Variants in TXNRD2 observed in about 807,000 individuals in gnomAD.
TXNRD2 encodes the protein thioredoxin reductase 2, mitochondrial.
Under a neutral mutation model 70.8 loss-of-function variants are expected in TXNRD2, and 67 were observed. That is an observed-to-expected ratio of 0.95 (90% CI 0.78 to 1.16). TXNRD2 has a LOEUF of 1.16. TXNRD2 is among the 50% of genes most tolerant of loss of function. The probability of loss-of-function intolerance (pLI) is 0.00; values close to 1 mark genes in which losing one functional copy is unlikely to be tolerated. For missense variants in TXNRD2, 644 were observed against 719.9 expected (o/e 0.89, Z 1.21); for synonymous variants, 301 against 295.8 (o/e 1.02, Z -0.18).
In TXNRD2 at chr22:19,918,235, A is replaced by G; in HGVS notation, c.375-18T>C. The stretch of plus-strand genomic sequence containing the variant: ...TCTTCCTCCTGTGAAGATACGAAAC[A>G]AAATGTAAAATCCACAACACAGGTG... On this transcript the variant is annotated intron_variant, in intron 4 of 17. Transcript: ENST00000400521. 6.2e-7 allele frequency: 1 copy of G among 1,612,468 alleles called. No individual in the cohort carries two copies. The highest frequency in any genetic ancestry group is 8.5e-7 in the Non-Finnish European group (1 of 1,178,472).
At chr22:19,895,171 T>C in intron 11 of TXNRD2, 2 of 1,598,276 alleles carry the variant, frequency 1.3e-6, no homozygotes, top group Non-Finnish European at 8.5e-7. Flanking sequence ...TGTCCCACGG[T>C]GGTGGGGAGA....
At chr22:19,902,932 C>T (rs761568543) in intron 8 of TXNRD2, 1 of 518,770 alleles carries the variant, frequency 1.9e-6, no homozygotes, top group South Asian at 1.4e-5. Context: ...GATCGCAGTA[C>T]CTGGCTGGCT....
At chr22:19,922,665 A>G (rs1158051028) in intron 2 of TXNRD2, among the ~76,000 whole-genome samples, 1 of 152,072 alleles carries the variant, frequency 6.6e-6, no homozygotes, top group Non-Finnish European at 1.5e-5. Context: ...TCACAGCTAC[A>G]GACTTTTGGT....
At chr22:19,885,336 C>T (rs916066467) in intron 11 of TXNRD2, among the ~76,000 whole-genome samples, 7 of 152,196 alleles carry the variant, frequency 4.6e-5, no homozygotes, top group East Asian at 1.9e-4. Context: ...GGCCGGTATG[C>T]GGGTGGCGCC....
At chr22:19,925,851 T>G (rs906355897) in intron 2 of TXNRD2, among the ~76,000 whole-genome samples, 2 of 150,774 alleles carry the variant, frequency 1.3e-5, no homozygotes, top group African/African-American at 4.9e-5. Context: ...TTTAAAACTT[T>G]TGTGGCACAA....
chr22:19,917,157 C>T (rs1238399418), intron 5 of TXNRD2, among the ~76,000 whole-genome samples: 1 of 152,226 alleles, frequency 6.6e-6, no homozygotes, highest in South Asian at 2.1e-4. Context: ...CCCAGGTGCG[C>T]CCCAGCCTCC....
intron 11 of TXNRD2, chr22:19,887,700 A>G (rs1055975451): frequency 2.0e-5 from 3 of 152,306 alleles, no homozygotes; most frequent in Admixed American, 2.0e-4. Flanking sequence ...GAAGACTTAC[A>G]TGAAGCTGCC....
At chr22:19,940,404 T>A (rs1209255721) in intron 1 of TXNRD2, among the ~76,000 whole-genome samples, 1 of 152,176 alleles carries the variant, frequency 6.6e-6, no homozygotes, top group African/African-American at 2.4e-5. Context: ...AGGATCATCA[T>A]CCTATTTTGC....
chr22:19,885,370 G>C (rs536655932), intron 11 of TXNRD2, among the ~76,000 whole-genome samples: 1 of 152,378 alleles, frequency 6.6e-6, no homozygotes, highest in South Asian at 2.1e-4. Flanking sequence ...GGAAGCTGAA[G>C]CTCCCGTGAG....
intron 11 of TXNRD2, chr22:19,883,708 CTT>C: frequency 2.0e-6 from 1 of 505,658 alleles, no homozygotes; most frequent in Non-Finnish European, 3.6e-6. Context: ...AATCCCAACA[CTT>C]TGGGAGGCCG....
Position 19,941,759 on chromosome 22 carries a change from G to A in TXNRD2, c.45C>T (p.Phe15=). 1 of 1,511,252 alleles carries A rather than the reference G, an allele frequency of 6.6e-7. No homozygotes were observed. The highest frequency in any genetic ancestry group is 8.8e-7 in the Non-Finnish European group (1 of 1,138,670). The allele number at this position is 1,511,252 out of a possible 1,614,324, so 93.6% of individuals were successfully genotyped here. A position where few individuals can be genotyped will look rare whatever the true frequency, so the allele number is the denominator to read the frequency against. The stretch of plus-strand genomic sequence containing the variant: ...CCGCCACGGCCTGCGTCCGCCACCG[G>A]AAGCGCCCTCCTAATCCCCGCAGCG... ...AVALRGLGGR[F]RWRTQAVAGG... Residue 15 remains phenylalanine (F), a synonymous_variant, in exon 1 of 18, where the codon TTC becomes TTT. Coordinates refer to ENST00000400521, the MANE Select transcript of TXNRD2 (RefSeq NM_006440.5).
At chr22:19,915,176 C>CCA in intron 7 of TXNRD2, 38 bp downstream of exon 7, 1 of 1,605,580 alleles carries the variant, frequency 6.2e-7, no homozygotes, top group Non-Finnish European at 8.5e-7. Context: ...CGGGAATGGG[C>CCA]CACGGCAGCA....
At chr22:19,937,133 A>G (rs987343819) in intron 1 of TXNRD2, among the ~76,000 whole-genome samples, 2 of 152,092 alleles carry the variant, frequency 1.3e-5, no homozygotes, top group African/African-American at 4.8e-5. Context: ...AGCATTTACA[A>G]TTCCATACCT....
chr22:19,901,760 T>A (rs927041138), intron 8 of TXNRD2, among the ~76,000 whole-genome samples: 1 of 151,524 alleles, frequency 6.6e-6, no homozygotes, highest in Non-Finnish European at 1.5e-5. Context: ...CCAGCAGGGG[T>A]AGGGACAGAC....
At chr22:19,934,272 T>C (rs1042565523) in intron 1 of TXNRD2, among the ~76,000 whole-genome samples, 4 of 150,778 alleles carry the variant, frequency 2.7e-5, no homozygotes, top group African/African-American at 9.7e-5. Flanking sequence ...TCCCAGCTAC[T>C]AGGGAGGCTG....
intron 11 of TXNRD2, among the ~76,000 whole-genome samples, chr22:19,890,538 CCT>C (rs931183849): frequency 6.6e-6 from 1 of 152,056 alleles, no homozygotes; most frequent in African/African-American, 2.4e-5. Flanking sequence ...AAGGCGCATC[CCT>C]GAGAGCAGTC....
intron 11 of TXNRD2, among the ~76,000 whole-genome samples, chr22:19,888,823 G>A (rs1374874136): frequency 1.3e-5 from 2 of 152,002 alleles, no homozygotes; most frequent in Non-Finnish European, 2.9e-5. Flanking sequence ...ACAGAGGAGC[G>A]TATGCCTTTG....
chr22:19,934,322 A>C (rs968756829), intron 1 of TXNRD2, among the ~76,000 whole-genome samples: 1 of 146,376 alleles, frequency 6.8e-6, no homozygotes, highest in Non-Finnish European at 1.5e-5. Context: ...TCAAGGCTGC[A>C]GTGAGCTATG....
intron 8 of TXNRD2, among the ~76,000 whole-genome samples, chr22:19,905,369 A>G (rs1473045680): frequency 6.6e-6 from 1 of 152,178 alleles, no homozygotes; most frequent in East Asian, 1.9e-4. Flanking sequence ...TAAACACTGC[A>G]GTTTCTTTTC....
Sources: allele counts gnomAD v4.1 joint callset (sites outside exome capture counted in the v4.1 genomes callset), GRCh38; gene constraint gnomAD v4.1.1; transcripts MANE v1.5; gene names NCBI Gene and HGNC (gene_info 2026-07-23, HGNC 2026-07-21).